The following N4BP2L1 variants were observed in gnomAD, a reference collection of about 807,000 sequenced individuals.
The protein encoded by N4BP2L1 is NEDD4 binding protein 2 like 1.
Under a neutral mutation model 21.2 loss-of-function variants are expected in N4BP2L1, and 12 were observed. The observed-to-expected ratio is 0.57, with a 90% CI of 0.36 to 0.92. The LOEUF is 0.92. N4BP2L1 is among the 40% of genes least tolerant of loss of function. The pLI, the probability that N4BP2L1 is intolerant of heterozygous loss-of-function variation, is 0.01. For missense variants in N4BP2L1, 259 were observed against 310.6 expected (o/e 0.83, Z 1.25); for synonymous variants, 104 against 112.8 (o/e 0.92, Z 0.49).
intron 1 of N4BP2L1, among the ~76,000 whole-genome samples, chr13:32,426,909 G>A (rs974892809): frequency 6.6e-6 from 1 of 152,208 alleles, no homozygotes; most frequent in Non-Finnish European, 1.5e-5. Context: ...ATACTGGCGG[G>A]GTGGGATAGC....
chr13:32,422,281 A>G (rs2074525363), intron 1 of N4BP2L1, among the ~76,000 whole-genome samples: 1 of 152,158 alleles, frequency 6.6e-6, no homozygotes, highest in African/African-American at 2.4e-5. Flanking sequence ...ATTATACGAC[A>G]GATCAAAACC....
At chr13:32,410,193 C>G (rs1593251782) in intron 1 of N4BP2L1, among the ~76,000 whole-genome samples, 1 of 152,250 alleles carries the variant, frequency 6.6e-6, no homozygotes, top group African/African-American at 2.4e-5. Context: ...AGCTGCGTCA[C>G]CTGACTACGT....
intron 1 of N4BP2L1, among the ~76,000 whole-genome samples, chr13:32,410,857 GTCCCGATTTGATA>G (rs913892005): frequency 5.3e-5 from 8 of 151,542 alleles, no homozygotes; most frequent in African/African-American, 1.9e-4. Context: ...TTTCTTTCAG[GTCCCGATTTGATA>G]TCCCTTCTAA....
At chr13:32,411,352 T>C (rs1310929984) in intron 1 of N4BP2L1, among the ~76,000 whole-genome samples, 1 of 151,396 alleles carries the variant, frequency 6.6e-6, no homozygotes, top group Non-Finnish European at 1.5e-5. Flanking sequence ...TTGGCCTGTA[T>C]GATCTTCCTG....
chr13:32,407,422 A>G, intron 2 of N4BP2L1, 84 bp from the exon 3 acceptor site: 1 of 1,607,022 alleles, frequency 6.2e-7, no homozygotes, highest in Non-Finnish European at 8.5e-7. Flanking sequence ...CATTTTTATT[A>G]CAGGATGCCC....
rs1593210844 is a variant in N4BP2L1, at chr13:32,402,162, T to C, written c.*780A>G. On this transcript the variant is annotated 3_prime_UTR_variant, in exon 5 of 5. Transcript: ENST00000380130. ...GTTTATTCCTTTTAAAAGTTAGTGT[T>C]TTATGAAGGCAGGCTTATTTTATTT... 6 of 985,050 alleles carry C rather than the reference T, an allele frequency of 6.1e-6. No individual in the cohort carries two copies. Among genetic ancestry groups the C allele is most frequent in the Non-Finnish European group, 7.2e-6 (6 of 829,580 alleles). 61.0% of individuals were successfully genotyped at this position (985,050 alleles called of 1,614,324 possible).
chr13:32,411,016 T>C (rs2073827609), intron 1 of N4BP2L1, among the ~76,000 whole-genome samples: 3 of 152,250 alleles, frequency 2.0e-5, no homozygotes, highest in African/African-American at 7.2e-5. Flanking sequence ...GTGGTTTATA[T>C]TATTGATTGG....
Position 32,403,197 on chromosome 13 carries a change from T to C in N4BP2L1, c.477A>G (p.Arg159=). The C allele has an allele frequency of 6.3e-7, 1 of 1,588,358 alleles. No homozygotes were observed. The highest frequency in any genetic ancestry group is 8.6e-7 in the Non-Finnish European group (1 of 1,166,888). Reference sequence around the variant, plus strand: ...TTTCTCTTGAGACACCATGAATGTTTCTTCTACATGGAAAAAAAATGCATT... The same window carrying C: ...TTTCTCTTGAGACACCATGAATGTTCCTTCTACATGGAAAAAAAATGCATT... ...WKFNVQELAR[R]NIHGVSREKI... is the part of the protein sequence containing the mutation. The change falls in exon 5 of 5, where the codon AGA becomes AGG. Residue 159 remains arginine, a synonymous_variant. Transcript: ENST00000380130.
At position 32,402,157 on chromosome 13, in the gene N4BP2L1, A is replaced by G; in HGVS notation, c.*785T>C. Reference sequence around the variant, plus strand: ...AAGTCGTTTATTCCTTTTAAAAGTTAGTGTTTTATGAAGGCAGGCTTATTT... The same window carrying G: ...AAGTCGTTTATTCCTTTTAAAAGTTGGTGTTTTATGAAGGCAGGCTTATTT... On this transcript the variant is annotated 3_prime_UTR_variant, in exon 5 of 5. Transcript: ENST00000380130. 1.0e-6 allele frequency: 1 copy of G among 985,048 alleles called. No individual in the cohort carries two copies. Among genetic ancestry groups the G allele is most frequent in the Non-Finnish European group, 1.2e-6 (1 of 829,570 alleles). 61.0% of individuals were successfully genotyped at this position (985,048 alleles called of 1,614,324 possible). A position where few individuals can be genotyped will look rare whatever the true frequency, so the allele number is the denominator to read the frequency against.
chr13:32,426,214 G>A (rs995446676), intron 1 of N4BP2L1, among the ~76,000 whole-genome samples: 3 of 152,094 alleles, frequency 2.0e-5, no homozygotes, highest in African/African-American at 7.2e-5. Flanking sequence ...GGCCAAAGAC[G>A]TTTACTTCCT....
At position 32,402,183 on chromosome 13, in the gene N4BP2L1, TATTTAC is replaced by T. The variant is rs1175562922; in HGVS notation, c.*753_*758del. The stretch of plus-strand genomic sequence containing the variant: ...GTGTTTTATGAAGGCAGGCTTATTT[TATTTAC>T]ACTATTAGCACAACAGCCAAAAGTT... On this transcript the variant is annotated 3_prime_UTR_variant, in exon 5 of 5. Coordinates refer to ENST00000380130, the MANE Select transcript of N4BP2L1 (RefSeq NM_052818.3). The T allele has an allele frequency of 2.0e-5, 20 of 984,440 alleles. No individual in the cohort carries two copies. Among genetic ancestry groups the T allele is most frequent in the Non-Finnish European group, 2.4e-5 (20 of 829,116 alleles). The allele number at this position is 984,440 out of a possible 1,614,324, so 61.0% of individuals were successfully genotyped here. A position where few individuals can be genotyped will look rare whatever the true frequency, so the allele number is the denominator to read the frequency against.
intron 1 of N4BP2L1, among the ~76,000 whole-genome samples, chr13:32,415,786 A>G (rs1234095985): frequency 6.6e-6 from 1 of 152,212 alleles, no homozygotes; most frequent in East Asian, 1.9e-4. Flanking sequence ...TAAAGCTCAT[A>G]ATCATGAACA....
In N4BP2L1 at chr13:32,403,253, T is replaced by G. The variant is rs1439832105; in HGVS notation, c.474-53A>C. On this transcript the variant is annotated intron_variant, in intron 4 of 4. Coordinates refer to ENST00000380130, the MANE Select transcript of N4BP2L1 (RefSeq NM_052818.3). ...AAGGCAGGATACCACAATGAGTTAC[T>G]TATATTTTACAAGTCCTCTAGTATT... 2.0e-6 allele frequency: 3 copies of G among 1,527,270 alleles called. No homozygotes were observed. In the African/African-American group the frequency reaches 4.2e-5, roughly 21 times the overall value. The allele number at this position is 1,527,270 out of a possible 1,614,324, so 94.6% of individuals were successfully genotyped here.
chr13:32,404,642 G>A (rs664345), intron 3 of N4BP2L1, among the ~76,000 whole-genome samples: 4,252 of 149,794 alleles, frequency 0.028, 214 homozygotes, highest in African/African-American at 0.1. Flanking sequence ...AAGGTTCTTT[G>A]TTTTGGACAT....
intron 1 of N4BP2L1, among the ~76,000 whole-genome samples, chr13:32,416,302 G>A (rs2074135613): frequency 6.6e-6 from 1 of 152,152 alleles, no homozygotes; most frequent in East Asian, 1.9e-4. Context: ...CAATCCCCAT[G>A]TTACAGACAA....
Position 32,403,173 on chromosome 13 carries a change from T to C in N4BP2L1, c.501A>G (p.Glu167=). The change falls in exon 5 of 5, where the codon GAA becomes GAG. Residue 167 remains glutamate, a synonymous_variant. Transcript: ENST00000380130. ...ARRNIHGVSR[E]KIHRMKERYE... ...ACCGTTCTTTCATTCGGTGGATTTT[T>C]TCTCTTGAGACACCATGAATGTTTC... 1.2e-6 allele frequency: 2 copies of C among 1,609,024 alleles called. No homozygotes were observed. The highest frequency in any genetic ancestry group is 1.7e-6 in the Non-Finnish European group (2 of 1,176,892).
intron 1 of N4BP2L1, among the ~76,000 whole-genome samples, chr13:32,427,683 A>C (rs1049802357): frequency 3.9e-5 from 6 of 151,982 alleles, no homozygotes; most frequent in African/African-American, 1.4e-4. Context: ...CCGCGCCCTC[A>C]GGCGCCAGGG....
intron 3 of N4BP2L1, among the ~76,000 whole-genome samples, chr13:32,406,153 C>G (rs1406257981): frequency 3.3e-5 from 5 of 151,972 alleles, no homozygotes; most frequent in Admixed American, 3.3e-4. Context: ...TCGTGATCCA[C>G]CCGCCTCAGC....
chr13:32,411,545 A>C, intron 1 of N4BP2L1: 3 of 985,428 alleles, frequency 3.0e-6, no homozygotes, highest in Non-Finnish European at 2.4e-6. Context: ...TCAGCTTCAG[A>C]AGTGATGAGG....
Sources: gnomAD v4.1 joint callset for allele counts (sites outside exome capture counted in the v4.1 genomes callset) on GRCh38, gnomAD v4.1.1 for gene constraint, MANE v1.5 for transcripts, NCBI Gene and HGNC (gene_info 2026-07-23, HGNC 2026-07-21) for gene names.